Variants in AK8 observed in about 807,000 individuals in gnomAD.
AK8 encodes the protein ATP-AMP transphosphorylase 8.
In AK8, 44 loss-of-function variants were observed where a neutral mutation model predicts 54.6. The ratio of observed to expected loss-of-function variants is 0.81; its 90% CI spans 0.63 to 1.04. The LOEUF is 1.04. AK8 is among the 50% of genes least tolerant of loss of function. AK8 has a pLI of 0.00. For synonymous variants in AK8, 239 were observed against 245.6 expected (o/e 0.97, Z 0.25); for missense variants, 555 against 613.6 (o/e 0.90, Z 1.01).
chr9:132,735,060 G>A (rs766317545), intron 11 of AK8, among the ~76,000 whole-genome samples: 4 of 152,090 alleles, frequency 2.6e-5, no homozygotes, highest in Admixed American at 6.5e-5. Context: ...AAGCTCCTTG[G>A]GTGGCTGCAA....
rs965552583 is a variant in AK8 at position 132,837,790 on chromosome 9, T to C, written c.403-9064A>G. ...GGTCTCTTACAGAAACACCCACAAA[T>C]AAGGGGGCACAGGAGGTGTGCTCAC... On this transcript the variant is annotated intron_variant, in intron 5 of 12. Coordinates refer to ENST00000298545, the MANE Select transcript of AK8 (RefSeq NM_152572.3). This position sits in a 1 kb window ranked among gnomAD's most constrained non-coding sequence, Gnocchi z 4.3. Among the ~76,000 whole-genome samples the C allele has an allele frequency of 1.3e-5, 2 of 151,806 alleles. No individual in the cohort carries two copies. The highest frequency in any genetic ancestry group is 2.9e-5 in the Non-Finnish European group (2 of 67,986).
chr9:132,876,566 GGCC>G (rs1265356795), intron 1 of AK8, among the ~76,000 whole-genome samples: 5 of 152,236 alleles, frequency 3.3e-5, no homozygotes, highest in Non-Finnish European at 5.9e-5. Flanking sequence ...ATCCAAACAA[GGCC>G]TACAGTTCAG....
chr9:132,864,171 T>C (rs1843500425), intron 3 of AK8, among the ~76,000 whole-genome samples: 1 of 152,172 alleles, frequency 6.6e-6, no homozygotes, highest in Non-Finnish European at 1.5e-5. Context: ...TTTTTTTTTC[T>C]TAAAGATTGG....
chr9:132,798,757 T>C (rs1436868251), intron 10 of AK8, among the ~76,000 whole-genome samples: 1 of 152,068 alleles, frequency 6.6e-6, no homozygotes, highest in Non-Finnish European at 1.5e-5. Context: ...CTCCAGGTTA[T>C]TAAAATCTCA....
chr9:132,742,896 A>G (rs11243897), intron 11 of AK8, among the ~76,000 whole-genome samples: 51,121 of 152,138 alleles, frequency 0.34, 9,552 homozygotes, highest in South Asian at 0.46. Context: ...AGAGGAGTTC[A>G]GCAACCAATC....
intron 5 of AK8, among the ~76,000 whole-genome samples, chr9:132,841,164 G>A (rs961304057): frequency 3.9e-5 from 6 of 152,288 alleles, no homozygotes; most frequent in Admixed American, 6.5e-5. Flanking sequence ...ATTACAGGGC[G>A]CTCTACATAG....
chr9:132,806,252 A>G (rs1369864560), intron 10 of AK8, among the ~76,000 whole-genome samples: 15 of 152,026 alleles, frequency 9.9e-5, no homozygotes. Flanking sequence ...ACTTCAAAAG[A>G]GAAGAGGCAC....
intron 10 of AK8, among the ~76,000 whole-genome samples, chr9:132,793,902 G>A (rs1840043793): frequency 6.6e-6 from 1 of 152,176 alleles, no homozygotes; most frequent in African/African-American, 2.4e-5. Context: ...GAAGCTGCCT[G>A]GTTACCCTCC....
chr9:132,852,408 G>T (rs1344902423), intron 5 of AK8, among the ~76,000 whole-genome samples: 3 of 152,070 alleles, frequency 2.0e-5, no homozygotes, highest in Non-Finnish European at 4.4e-5. Flanking sequence ...AGGAGATTGA[G>T]ACCATCCTGG....
chr9:132,787,991 GA>G (rs1839787399), intron 11 of AK8, among the ~76,000 whole-genome samples: 1 of 149,428 alleles, frequency 6.7e-6, no homozygotes. Context: ...AGTAAGCCTA[GA>G]AAAAAACCAG....
At chr9:132,752,114 T>A (rs1837955774) in intron 11 of AK8, among the ~76,000 whole-genome samples, 1 of 148,962 alleles carries the variant, frequency 6.7e-6, no homozygotes, top group Non-Finnish European at 1.5e-5. Flanking sequence ...AGCACTGAGA[T>A]TATAGGTGCG....
Position 132,782,518 on chromosome 9 carries a change from C to T in AK8, c.1121+10116G>A, listed in dbSNP as rs558426421. On this transcript the variant is annotated intron_variant, in intron 11 of 12. Coordinates refer to ENST00000298545, the MANE Select transcript of AK8 (RefSeq NM_152572.3). ...CAGCCTGACCAACATGGTGAAACCC[C>T]GTCTCTACTAAAAATACAAAATTAG... 2.0e-5 allele frequency among the ~76,000 whole-genome samples: 3 copies of T among 152,118 alleles called. No homozygotes were observed. In the East Asian group the frequency reaches 5.8e-4, roughly 29 times the overall value.
At chr9:132,857,764 T>C (rs755218938) in intron 4 of AK8, among the ~76,000 whole-genome samples, 8 of 152,128 alleles carry the variant, frequency 5.3e-5, no homozygotes, top group Non-Finnish European at 1.2e-4. Context: ...ACAGCCCCGG[T>C]GGGGCACAGC....
In AK8 at chr9:132,768,433, A is replaced by G. The variant is rs139559449; in HGVS notation, c.1121+24201T>C. Among the ~76,000 whole-genome samples, 14 of 152,146 alleles carry G rather than the reference A, an allele frequency of 9.2e-5. No homozygotes were observed. In the East Asian group the frequency reaches 2.7e-3, roughly 29 times the overall value. ...CAGGCATGCGCCACCATGCCCAGCTAATTTTGTATTTTTAGTAGAGACGGG... is the reference window on the plus strand; with the variant it reads ...CAGGCATGCGCCACCATGCCCAGCTGATTTTGTATTTTTAGTAGAGACGGG... On this transcript the variant is annotated intron_variant, in intron 11 of 12. Transcript: ENST00000298545.
At chr9:132,788,172 GATTATTA>G (rs1436963810) in intron 11 of AK8, among the ~76,000 whole-genome samples, 1 of 152,032 alleles carries the variant, frequency 6.6e-6, no homozygotes, top group African/African-American at 2.4e-5. Flanking sequence ...AAAGCAAGAT[GATTATTA>G]ACTTCAGGAA....
At chr9:132,875,446 C>G (rs1319575644) in intron 1 of AK8, among the ~76,000 whole-genome samples, 1 of 152,172 alleles carries the variant, frequency 6.6e-6, no homozygotes, top group Non-Finnish European at 1.5e-5. Context: ...GCCCCTGATT[C>G]AGAGCAGGCA....
chr9:132,878,798 C>G (rs539556261), upstream of AK8: 81 of 984,726 alleles, frequency 8.2e-5, no homozygotes, highest in African/African-American at 1.3e-3. The surrounding 1 kb of genome is among the most constrained non-coding windows in gnomAD (Gnocchi z 4.7). Flanking sequence ...CCCAGCTCCC[C>G]GGCTCTGGCC....
chr9:132,736,342 A>G (rs2130956984), intron 11 of AK8, among the ~76,000 whole-genome samples: 1 of 151,956 alleles, frequency 6.6e-6, no homozygotes, highest in Admixed American at 6.6e-5. Context: ...GTGTACCACC[A>G]TGCCCAGCTA....
chr9:132,749,575 G>A (rs986313731), intron 11 of AK8, among the ~76,000 whole-genome samples: 3 of 151,884 alleles, frequency 2.0e-5, no homozygotes, highest in Non-Finnish European at 4.4e-5. Flanking sequence ...CCCCGATATC[G>A]GCTGGTGAGT....
Sources: gnomAD v4.1 joint callset for allele counts (sites outside exome capture counted in the v4.1 genomes callset) on GRCh38, gnomAD v4.1.1 for gene constraint, Gnocchi (gnomAD v3.1) non-coding constraint, MANE v1.5 for transcripts, NCBI Gene and HGNC (gene_info 2026-07-23, HGNC 2026-07-21) for gene names.